The following CEP350 variants were observed in gnomAD, a reference collection of about 807,000 sequenced individuals.
The protein encoded by CEP350 is centrosomal protein 350.
A neutral mutation model predicts 331.8 loss-of-function variants in CEP350; 126 were observed. The ratio of observed to expected loss-of-function variants is 0.38; its 90% confidence interval spans 0.33 to 0.44. CEP350 has a LOEUF of 0.44. Ranked by LOEUF, CEP350 falls within the 20% of genes least tolerant of loss-of-function variation. CEP350 has a pLI of 1.00. For synonymous variants in CEP350, 1,200 were observed against 1,259.5 expected, an observed-to-expected ratio of 0.95 and a Z score of 1.00; for missense variants, 3,406 against 3,634.6, an observed-to-expected ratio of 0.94 and a Z score of 1.62.
intron 21 of CEP350, among the ~76,000 whole-genome samples, chr1:180,047,774 A>G (rs1202407591): frequency 7.3e-5 from 11 of 149,792 alleles, no homozygotes; most frequent in South Asian, 6.3e-4. Context: ...AAAAAAAAAA[A>G]AAAAGAAAAG....
chr1:180,104,259 A>C (rs989599608), intron 37 of CEP350, among the ~76,000 whole-genome samples: 1 of 151,468 alleles, frequency 6.6e-6, no homozygotes, highest in Non-Finnish European at 1.5e-5. Context: ...TTCAAATTTT[A>C]TCTATAATTA....
intron 37 of CEP350, among the ~76,000 whole-genome samples, chr1:180,102,439 C>A (rs1249472556): frequency 6.6e-6 from 1 of 151,940 alleles, no homozygotes; most frequent in Non-Finnish European, 1.5e-5. Context: ...CCTGGCCAAC[C>A]CCCCACATTT....
Position 180,087,680 on chromosome 1 carries a change from GA to G in CEP350, c.6393del (p.Lys2131AsnfsTer22). ...PQIKTLSSAS[E>X]KPKIKPLTPL... ...GATTAAAACGCTCTCCTCAGCTTCTGAAAAACCCAAGATCAAACCCCTCACA... is the reference window on the plus strand; with the variant it reads ...GATTAAAACGCTCTCCTCAGCTTCTGAAAACCCAAGATCAAACCCCTCACA... On this transcript the variant is annotated frameshift_variant, in exon 32 of 38. Transcript: ENST00000367607. LOFTEE classifies it high-confidence loss of function. 1 of 1,583,814 alleles carries G rather than the reference GA, an allele frequency of 6.3e-7. No individual in the cohort carries two copies. Among genetic ancestry groups the G allele is most frequent in the Admixed American group, 1.8e-5 (1 of 56,752 alleles).
intron 14 of CEP350, among the ~76,000 whole-genome samples, chr1:180,025,697 A>G (rs758323033): frequency 2.0e-5 from 3 of 152,174 alleles, no homozygotes; most frequent in Admixed American, 2.0e-4. Context: ...GAGTTGAACA[A>G]TGCGAACACA....
intron 30 of CEP350, among the ~76,000 whole-genome samples, chr1:180,082,276 C>T (rs943830564): frequency 1.3e-5 from 2 of 152,150 alleles, no homozygotes; most frequent in Non-Finnish European, 2.9e-5. Context: ...TACAGATTCA[C>T]TACCTATTCA....
chr1:180,008,389 G>A (rs1160358309), intron 8 of CEP350, among the ~76,000 whole-genome samples: 2 of 152,126 alleles, frequency 1.3e-5, no homozygotes, highest in Non-Finnish European at 2.9e-5. Context: ...GTGAGAACTA[G>A]GAGTTAATAC....
intron 33 of CEP350, 124 bp from the exon 34 acceptor site, chr1:180,092,490 G>C (rs2149130401): frequency 1.8e-6 from 1 of 564,088 alleles, no homozygotes; most frequent in Non-Finnish European, 3.1e-6. Context: ...AGCCAAAACA[G>C]GTCATATTTA....
chr1:179,991,994 A>G, intron 4 of CEP350, 68 bp from the exon 5 acceptor site: 1 of 1,420,430 alleles, frequency 7.0e-7, no homozygotes, highest in Non-Finnish European at 9.2e-7. Flanking sequence ...TTTTTTTAAG[A>G]TACCAGCCTA....
chr1:180,086,469 A>C (rs1208976518), intron 31 of CEP350, among the ~76,000 whole-genome samples: 1 of 152,092 alleles, frequency 6.6e-6, no homozygotes, highest in Non-Finnish European at 1.5e-5. Flanking sequence ...CCAGCATTCT[A>C]CTTAATGGCA....
At chr1:180,038,539 A>G (rs999263772) in intron 17 of CEP350, among the ~76,000 whole-genome samples, 15 of 152,172 alleles carry the variant, frequency 9.9e-5, no homozygotes. Context: ...TATCCCTGCT[A>G]TCATTTGGTA....
intron 6 of CEP350, chr1:180,000,581 C>T (rs1653797147): frequency 1.2e-5 from 2 of 162,920 alleles, no homozygotes; most frequent in Middle Eastern, 2.6e-3. Flanking sequence ...TCCAAGGAAT[C>T]AGAAATCATG....
intron 13 of CEP350, among the ~76,000 whole-genome samples, chr1:180,023,568 C>T (rs1157747018): frequency 6.6e-6 from 1 of 152,098 alleles, no homozygotes; most frequent in African/African-American, 2.4e-5. Flanking sequence ...ATTATAACAT[C>T]TGATAATTAT....
chr1:179,993,691 C>T (rs1653258298), intron 5 of CEP350, among the ~76,000 whole-genome samples: 1 of 151,834 alleles, frequency 6.6e-6, no homozygotes, highest in African/African-American at 2.4e-5. Flanking sequence ...GTTCTGTCTG[C>T]CTCGGCCTCC....
In CEP350 at chr1:180,015,772, T is replaced by C. The variant is rs1654934711; in HGVS notation, c.2053-77T>C. 6 of 1,497,374 alleles carry C rather than the reference T, an allele frequency of 4.0e-6. No individual in the cohort carries two copies. In the East Asian group the frequency reaches 1.4e-4, roughly 36 times the overall value. The allele number at this position is 1,497,374 out of a possible 1,614,324, so 92.8% of individuals were successfully genotyped here. A position where few individuals can be genotyped will look rare whatever the true frequency, so the allele number is the denominator to read the frequency against. ...ATGATCTTTGTAGAGCTGAGGTGAC[T>C]TAATGTTTAACTTAGGTGCTACCTG... On this transcript the variant is annotated intron_variant, in intron 10 of 37. Transcript: ENST00000367607.
At chr1:179,968,661 A>G (rs2148579884) in intron 1 of CEP350, 1 of 450,384 alleles carries the variant, frequency 2.2e-6, no homozygotes, top group Middle Eastern at 5.3e-4. Flanking sequence ...CTTAAAGGGA[A>G]ACTTTTACAA....
At chr1:179,999,538 C>T (rs149879286) in intron 6 of CEP350, among the ~76,000 whole-genome samples, 319 of 152,072 alleles carry the variant, frequency 2.1e-3, no homozygotes, top group African/African-American at 7.2e-3. Context: ...AAATTAAAAG[C>T]ATCTTAAAAT....
chr1:180,034,502 G>A (rs1454902541), intron 16 of CEP350, among the ~76,000 whole-genome samples: 2 of 151,044 alleles, frequency 1.3e-5, no homozygotes, highest in East Asian at 3.9e-4. Context: ...CAAATTAAAG[G>A]CTCATGGCAT....
chr1:179,992,095 C>T lies in CEP350; in HGVS notation c.269C>T (p.Ala90Val). 5 of 1,554,166 alleles carry T rather than the reference C, an allele frequency of 3.2e-6. No individual in the cohort carries two copies. The highest frequency in any genetic ancestry group is 4.3e-6 in the Non-Finnish European group (5 of 1,152,246). Residue 90 changes from alanine to valine, a missense_variant, in exon 5 of 38, where the codon GCT becomes GTT. Around this residue, in one of 5 missense-constraint regions of CEP350, gnomAD observed 1,857 missense variants for 1,909.2 expected, o/e 0.97. Coordinates refer to ENST00000367607, the MANE Select transcript of CEP350 (RefSeq NM_014810.5). ...TACCTGGATGATTCTTGGGTTAATGCTCCAATCTCCAAATCCACTAAATCA... is the reference window on the plus strand; with the variant it reads ...TACCTGGATGATTCTTGGGTTAATGTTCCAATCTCCAAATCCACTAAATCA... Reference protein sequence around the residue: ...GRYLDDSWVNAPISKSTKSRK... With the variant: ...GRYLDDSWVNVPISKSTKSRK...
At position 180,011,947 on chromosome 1, in the gene CEP350, G is replaced by A. The variant is rs1654687019; in HGVS notation, c.1265G>A (p.Ser422Asn). Residue 422 changes from serine (S) to asparagine (N), a missense_variant, in exon 9 of 38, where the codon AGT becomes AAT. By Grantham distance (46) the Ser-to-Asn change is conservative (BLOSUM62 1). Coordinates refer to ENST00000367607, the MANE Select transcript of CEP350 (RefSeq NM_014810.5). ...ECRTGSSHLI[S>N]TSSWRDGQKL... ...TTTTTAGGTAGTAGTCATCTTATAA[G>A]TACATCTTCTTGGCGAGATGGACAA... 1 of 1,601,768 alleles carries A rather than the reference G, an allele frequency of 6.2e-7. No homozygotes were observed. Among genetic ancestry groups the A allele is most frequent in the Non-Finnish European group, 8.5e-7 (1 of 1,173,470 alleles).
Sources: allele counts gnomAD v4.1 joint callset (sites outside exome capture counted in the v4.1 genomes callset), GRCh38; gene constraint gnomAD v4.1.1; regional missense constraint gnomAD v4.1.1; transcripts MANE v1.5; gene names NCBI Gene and HGNC (gene_info 2026-07-23, HGNC 2026-07-21).